CCDC169: variants seen among roughly 807,000 people sequenced by gnomAD.
The protein encoded by CCDC169 is coiled-coil domain-containing protein 169.
In CCDC169, 30 loss-of-function variants were observed where a neutral mutation model predicts 36.0. The observed-to-expected ratio is 0.83, with a 90% confidence interval of 0.62 to 1.13. The LOEUF is 1.13. Ranked by LOEUF, CCDC169 falls within the 50% of genes most tolerant of loss-of-function variation. CCDC169 has a pLI of 0.00. For synonymous variants in CCDC169, 85 were observed against 81.5 expected, an observed-to-expected ratio of 1.04 and a Z score of -0.23; for missense variants, 245 against 245.9, an observed-to-expected ratio of 1.00 and a Z score of 0.03.
At chr13:36,279,566 G>A (rs1877251379) in intron 4 of CCDC169, among the ~76,000 whole-genome samples, 1 of 152,162 alleles carries the variant, frequency 6.6e-6, no homozygotes, top group South Asian at 2.1e-4. Flanking sequence ...ATATAGAGGT[G>A]GCAAGTAGGT....
At chr13:36,252,078 C>T (rs1873241169) in intron 6 of CCDC169, among the ~76,000 whole-genome samples, 1 of 152,164 alleles carries the variant, frequency 6.6e-6, no homozygotes, top group Non-Finnish European at 1.5e-5. Context: ...AATGCCATTA[C>T]AGTCTGGTCT....
chr13:36,249,782 G>T (rs919489425), intron 6 of CCDC169, among the ~76,000 whole-genome samples: 40 of 152,122 alleles, frequency 2.6e-4, no homozygotes, highest in Admixed American at 2.6e-3. Context: ...CTGGGGAAGA[G>T]GTTTGGGATC....
intron 7 of CCDC169, among the ~76,000 whole-genome samples, chr13:36,241,867 G>A (rs910946025): frequency 5.3e-5 from 8 of 152,164 alleles, no homozygotes; most frequent in African/African-American, 1.9e-4. Context: ...CCCTGGTGCT[G>A]GGGGAGTGAC....
intron 7 of CCDC169, among the ~76,000 whole-genome samples, chr13:36,237,084 T>A (rs999557628): frequency 2.0e-5 from 3 of 151,928 alleles, no homozygotes; most frequent in Non-Finnish European, 4.4e-5. Context: ...ATTATTATTA[T>A]TATTTTCCCC....
chr13:36,261,245 C>T (rs559263784), intron 4 of CCDC169, among the ~76,000 whole-genome samples: 7 of 152,236 alleles, frequency 4.6e-5, no homozygotes, highest in South Asian at 2.1e-4. Flanking sequence ...GGCGACTTTG[C>T]ATTGGCTCAA....
chr13:36,263,002 G>T (rs1371380190), intron 4 of CCDC169, among the ~76,000 whole-genome samples: 2 of 152,178 alleles, frequency 1.3e-5, no homozygotes, highest in African/African-American at 4.8e-5. Flanking sequence ...CAAAGGGAAT[G>T]CTGGTCAAAC....
At chr13:36,260,169 G>A (rs926926542) in intron 4 of CCDC169, among the ~76,000 whole-genome samples, 3 of 152,212 alleles carry the variant, frequency 2.0e-5, no homozygotes, top group African/African-American at 7.2e-5. Flanking sequence ...TCAAAGACAC[G>A]CAGCTAATAA....
At chr13:36,264,762 A>C (rs956592911) in intron 4 of CCDC169, among the ~76,000 whole-genome samples, 1 of 152,190 alleles carries the variant, frequency 6.6e-6, no homozygotes, top group African/African-American at 2.4e-5. Flanking sequence ...TCATTTATTC[A>C]AAAACTAGCT....
At chr13:36,297,581 G>C in intron 1 of CCDC169, 56 bp downstream of exon 1, 2 of 1,511,218 alleles carry the variant, frequency 1.3e-6, no homozygotes, top group Middle Eastern at 1.7e-4. Context: ...AGACTCTGCA[G>C]GTGAAGGCTC....
intron 4 of CCDC169, chr13:36,280,978 A>T (rs1877448997): frequency 4.5e-6 from 1 of 220,220 alleles, no homozygotes; most frequent in South Asian, 6.6e-5. Context: ...TACAGTTCTA[A>T]CTCCCAATGA....
intron 2 of CCDC169, among the ~76,000 whole-genome samples, chr13:36,290,109 T>C (rs898253573): frequency 6.6e-6 from 1 of 152,108 alleles, no homozygotes; most frequent in African/African-American, 2.4e-5. Context: ...ACATATCTCA[T>C]CTAAAGAAGG....
intron 2 of CCDC169, among the ~76,000 whole-genome samples, chr13:36,295,163 A>T (rs1220966026): frequency 2.0e-5 from 3 of 152,164 alleles, no homozygotes; most frequent in Non-Finnish European, 4.4e-5. Context: ...CCCTTCCCTA[A>T]GTTTTCATTT....
intron 7 of CCDC169, among the ~76,000 whole-genome samples, chr13:36,237,204 T>G (rs1566059872): frequency 6.6e-6 from 1 of 152,036 alleles, no homozygotes; most frequent in African/African-American, 2.4e-5. Flanking sequence ...TTCAACATCA[T>G]TAGTCATTAG....
At chr13:36,235,399 A>T (rs1363883947) in intron 7 of CCDC169, among the ~76,000 whole-genome samples, 2 of 151,978 alleles carry the variant, frequency 1.3e-5, no homozygotes, top group East Asian at 3.9e-4. Context: ...CAAGTTTCTT[A>T]AGGTAAAAGA....
At chr13:36,257,618 G>A (rs1471989236) in intron 4 of CCDC169, among the ~76,000 whole-genome samples, 3 of 151,840 alleles carry the variant, frequency 2.0e-5, no homozygotes, top group Non-Finnish European at 2.9e-5. Context: ...CAAGTGAGTC[G>A]CTTGAACGCG....
intron 7 of CCDC169, among the ~76,000 whole-genome samples, chr13:36,247,711 G>A (rs1872674022): frequency 6.6e-6 from 1 of 152,192 alleles, no homozygotes; most frequent in Non-Finnish European, 1.5e-5. Context: ...GATGAGCAAA[G>A]AAAGTGGTCT....
Position 36,248,281 on chromosome 13 carries a change from A to G in CCDC169, c.545+325T>C, listed in dbSNP as rs1594017487. Among the ~76,000 whole-genome samples the G allele has an allele frequency of 2.6e-5, 4 of 152,208 alleles. No individual in the cohort carries two copies. In the South Asian group the frequency reaches 8.3e-4, roughly 32 times the overall value. On this transcript the variant is annotated intron_variant, in intron 7 of 7. Transcript: ENST00000239859. The stretch of plus-strand genomic sequence containing the variant: ...ACAGTGATCCGGAACCAAACCCATA[A>G]TATCTCCAAGGTATGCCTGTGTTTA...
chr13:36,269,041 T>C (rs1030796275), intron 4 of CCDC169, among the ~76,000 whole-genome samples: 12 of 151,852 alleles, frequency 7.9e-5, no homozygotes, highest in African/African-American at 2.9e-4. Flanking sequence ...CAGGTGGAGG[T>C]TGCAGTAAAC....
At chr13:36,289,075 T>C (rs1166751065) in intron 2 of CCDC169, among the ~76,000 whole-genome samples, 1 of 152,174 alleles carries the variant, frequency 6.6e-6, no homozygotes, top group Admixed American at 6.5e-5. Flanking sequence ...TTAATAGTCT[T>C]TCTAAGATTG....
Sources: gnomAD v4.1 joint callset for allele counts (sites outside exome capture counted in the v4.1 genomes callset) on GRCh38, gnomAD v4.1.1 for gene constraint, MANE v1.5 for transcripts, NCBI Gene and HGNC (gene_info 2026-07-23, HGNC 2026-07-21) for gene names.